Variants in SEMA4G observed in about 807,000 individuals in gnomAD.
The protein encoded by SEMA4G is semaphorin 4G, also known as semaphorin-4G.
Under a neutral mutation model 81.2 loss-of-function variants are expected in SEMA4G, and 59 were observed. The ratio of observed to expected loss-of-function variants is 0.73; its 90% confidence interval spans 0.59 to 0.90. The LOEUF is 0.90. SEMA4G is among the 40% of genes least tolerant of loss of function. The probability of loss-of-function intolerance (pLI) is 0.00; values close to 1 mark genes in which losing one functional copy is unlikely to be tolerated. For synonymous variants in SEMA4G, 404 were observed against 433.9 expected (o/e 0.93, Z 0.86); for missense variants, 952 against 1,102.3 (o/e 0.86, Z 1.93).
chr10:100,980,651 G>A (rs773734788), exon 11 of SEMA4G: 9 of 1,614,078 alleles, frequency 5.6e-6, no homozygotes. Context: ...AAGTGTTCAG[G>A]GAGTCCCAGT....
chr10:100,983,350 A>G (rs570573396), exon 14 of SEMA4G: 1 of 1,597,454 alleles, frequency 6.3e-7, no homozygotes, highest in Admixed American at 1.7e-5. Context: ...CGGGGTGATG[A>G]TGTCCTCCTG....
At chr10:100,979,539 C>G (rs147036283) in intron 8 of SEMA4G, among the ~76,000 whole-genome samples, 1 of 152,022 alleles carries the variant, frequency 6.6e-6, no homozygotes, top group South Asian at 2.1e-4. Flanking sequence ...TGTGCCACCA[C>G]GCCTGGCTAA....
At chr10:100,982,501 C>T (rs192080932) in intron 13 of SEMA4G, among the ~76,000 whole-genome samples, 44 of 152,260 alleles carry the variant, frequency 2.9e-4, no homozygotes, top group Admixed American at 3.9e-4. Flanking sequence ...TAGATACAAA[C>T]GTGAAGAAGG....
At chr10:100,978,890 G>C (rs759573797) in exon 7 of SEMA4G, 1 of 1,614,202 alleles carries the variant, frequency 6.2e-7, no homozygotes, top group Non-Finnish European at 8.5e-7. Context: ...GGAGAGCAAG[G>C]CCAGTGCAGT....
Position 100,973,473 on chromosome 10 carries a change from G to A in SEMA4G, c.274-74G>A, listed in dbSNP as rs1216558695. On this transcript the variant is annotated intron_variant, in intron 2 of 13. Transcript: ENST00000370250. This position sits in a 1 kb window ranked among gnomAD's most constrained non-coding sequence, Gnocchi z 5.5. ...CACCCCAATTTCCCCAACTCTGTGG[G>A]GTCCTATTGCCTGGTCCTATGAGTA... 2 of 1,505,732 alleles carry A rather than the reference G, an allele frequency of 1.3e-6. No homozygotes were observed. Among genetic ancestry groups the A allele is most frequent in the Non-Finnish European group, 1.8e-6 (2 of 1,087,318 alleles). The allele number at this position is 1,505,732 out of a possible 1,614,324, so 93.3% of individuals were successfully genotyped here.
intron 10 of SEMA4G, 55 bp from the exon 12 acceptor site, chr10:100,980,523 G>C (rs1851011153): frequency 2.7e-6 from 4 of 1,506,086 alleles, no homozygotes; most frequent in South Asian, 1.1e-5. Flanking sequence ...CTCTTGCAGG[G>C]TGCTGAGAGC....
At chr10:100,983,173 C>G in intron 13 of SEMA4G, 132 bp from the exon 15 acceptor site, 9 of 1,115,850 alleles carry the variant, frequency 8.1e-6, no homozygotes, top group South Asian at 5.0e-5. Context: ...GAGCACAGAG[C>G]CTGGGTCAGC....
chr10:100,984,546 G>A (rs1446522565), exon 14 of SEMA4G: 1 of 1,536,068 alleles, frequency 6.5e-7, no homozygotes, highest in Non-Finnish European at 8.7e-7. Context: ...ATGGCCCTGT[G>A]TGCTGGATGG....
upstream of SEMA4G, among the ~76,000 whole-genome samples, chr10:100,971,642 C>T (rs866111927): frequency 6.6e-6 from 1 of 152,170 alleles, no homozygotes; most frequent in Non-Finnish European, 1.5e-5. Context: ...TATTAGGTCT[C>T]TCCACACCTC....
At chr10:100,977,611 C>A (rs762045155) in intron 3 of SEMA4G, 21 bp from the exon 5 acceptor site, 6 of 1,603,716 alleles carry the variant, frequency 3.7e-6, no homozygotes, top group Non-Finnish European at 5.1e-6. Context: ...GGCTCACAGC[C>A]CTCTCCACCT....
chr10:100,972,856 C>A (rs944394849), exon 1 of SEMA4G: 9 of 1,559,236 alleles, frequency 5.8e-6, no homozygotes, highest in Non-Finnish European at 7.8e-6. Context: ...CCCGCCCCCA[C>A]AACCTGTGAC....
At position 100,980,929 on chromosome 10, in the gene SEMA4G, TG is replaced by T; in HGVS notation, c.1577del (p.Gly526AlafsTer15). On this transcript the variant is annotated frameshift_variant, in exon 12 of 14. Transcript: ENST00000370250. LOFTEE classifies it high-confidence loss of function. ...GCATCTTGGCCCGAGACCCCTACTGTGGCTGGGACCCTGGCACCCATGCCTG... is the reference window on the plus strand; with the variant it reads ...GCATCTTGGCCCGAGACCCCTACTGTGCTGGGACCCTGGCACCCATGCCTG... The T allele has an allele frequency of 6.2e-7, 1 of 1,611,162 alleles. No homozygotes were observed. The highest frequency in any genetic ancestry group is 8.5e-7 in the Non-Finnish European group (1 of 1,179,086).
chr10:100,970,058 C>T (rs1282532947), upstream of SEMA4G: 1 of 350,790 alleles, frequency 2.9e-6, no homozygotes, highest in East Asian at 8.3e-5. Context: ...CTACACTAGG[C>T]AGGTGGACAT....
chr10:100,972,268 CTT>C, upstream of SEMA4G, among the ~76,000 whole-genome samples: 1 of 152,250 alleles, frequency 6.6e-6, no homozygotes, highest in South Asian at 2.1e-4. Context: ...CCTAGTGGAG[CTT>C]CTGACTTGGC....
At position 100,972,751 on chromosome 10, in the gene SEMA4G, T is replaced by C. The variant is rs1207497990; in HGVS notation, c.-162T>C. ...GTCCCCCCGATTCCAGGACCCCCCA[T>C]GGCCCCATGATTCCTTGACTCCTAT... On this transcript the variant is annotated 5_prime_UTR_variant, in exon 1 of 14. An upstream start codon of the reference 5' UTR is lost. Coordinates refer to ENST00000370250, the Ensembl canonical transcript of SEMA4G. 8 of 608,990 alleles carry C rather than the reference T, an allele frequency of 1.3e-5. No individual in the cohort carries two copies. The highest frequency in any genetic ancestry group is 3.8e-5 in the African/African-American group (2 of 53,280). 37.7% of individuals were successfully genotyped at this position (608,990 alleles called of 1,614,324 possible). A position where few individuals can be genotyped will look rare whatever the true frequency, so the allele number is the denominator to read the frequency against.
Position 100,982,230 on chromosome 10 carries a change from G to C in SEMA4G, c.1690+1001G>C, listed in dbSNP as rs556522534. Among the ~76,000 whole-genome samples the C allele has an allele frequency of 8.5e-5, 13 of 152,186 alleles. No homozygotes were observed. In the East Asian group the frequency reaches 2.5e-3, roughly 29 times the overall value. ...GCAAGCAGAGGGAGCAGCAGGCAGA[G>C]GGAGGCTGGCACATTTGAGTGACAG... On this transcript the variant is annotated intron_variant, in intron 13 of 13. Coordinates refer to ENST00000370250, the Ensembl canonical transcript of SEMA4G.
At chr10:100,984,265 G>A in exon 14 of SEMA4G, 3 of 1,444,966 alleles carry the variant, frequency 2.1e-6, no homozygotes, top group Middle Eastern at 2.2e-4. Flanking sequence ...TGATGTCCCT[G>A]TAGGGCTGGC....
In SEMA4G at chr10:100,972,750, A is replaced by G. The variant is rs973566758; in HGVS notation, c.-163A>G. On this transcript the variant is annotated 5_prime_UTR_variant, in exon 1 of 14. An upstream start codon of the reference 5' UTR is lost. Transcript: ENST00000370250. The stretch of plus-strand genomic sequence containing the variant: ...TGTCCCCCCGATTCCAGGACCCCCC[A>G]TGGCCCCATGATTCCTTGACTCCTA... 1 of 567,864 alleles carries G rather than the reference A, an allele frequency of 1.8e-6. No individual in the cohort carries two copies. The highest frequency in any genetic ancestry group is 3.0e-6 in the Non-Finnish European group (1 of 335,210). The allele number at this position is 567,864 out of a possible 1,614,324, so 35.2% of individuals were successfully genotyped here.
At chr10:100,974,910 G>A (rs985696854) in intron 3 of SEMA4G, 37 of 442,230 alleles carry the variant, frequency 8.4e-5, no homozygotes, top group Non-Finnish European at 1.6e-4. Context: ...CCAGGAGTTC[G>A]AGGCCAGCCT....
Sources: allele counts gnomAD v4.1 joint callset (sites outside exome capture counted in the v4.1 genomes callset), GRCh38; gene constraint gnomAD v4.1.1; non-coding constraint Gnocchi (gnomAD v3.1); transcripts MANE v1.5; gene names NCBI Gene and HGNC (gene_info 2026-07-23, HGNC 2026-07-21).